PHF6: variants seen among roughly 807,000 people sequenced by gnomAD.
PHF6 encodes the protein PHD-like zinc finger protein.
Under a neutral mutation model 34.0 loss-of-function variants are expected in PHF6, and 7 were observed. The ratio of observed to expected loss-of-function variants is 0.21; its 90% CI spans 0.12 to 0.39. PHF6 has a LOEUF of 0.39. Ranked by LOEUF, PHF6 falls within the 10% of genes least tolerant of loss-of-function variation. The probability of loss-of-function intolerance (pLI) is 1.00; values close to 1 mark genes in which losing one functional copy is unlikely to be tolerated. For missense variants in PHF6, 128 were observed against 262.8 expected, an observed-to-expected ratio of 0.49 and a Z score of 3.55; for synonymous variants, 89 against 88.4, an observed-to-expected ratio of 1.01 and a Z score of -0.04.
At chrX:134,397,800 T>C (rs2077383676) in intron 5 of PHF6, among the ~76,000 whole-genome samples, 1 of 111,949 alleles carries the variant, frequency 8.9e-6, no homozygotes, top group Non-Finnish European at 1.9e-5. Flanking sequence ...ATTGGAGATA[T>C]AGGGATAAAT....
rs2077353661 is a variant in PHF6 at position 134,391,302 on chromosome X, G to T, written c.241-2199G>T. 2.7e-5 allele frequency among the ~76,000 whole-genome samples: 3 copies of T among 111,894 alleles called. No individual in the cohort carries two copies. In the South Asian group the frequency reaches 1.1e-3, roughly 41 times the overall value. On this transcript the variant is annotated intron_variant, in intron 3 of 10. Coordinates refer to ENST00000370803, the MANE Select transcript of PHF6 (RefSeq NM_001015877.2). The stretch of plus-strand genomic sequence containing the variant: ...AATATTTTTCAATTGTTGATAGGTG[G>T]TTTTACATTTTAGACTGTTCTAAAT...
chrX:134,381,431 G>A (rs930522057), intron 3 of PHF6, among the ~76,000 whole-genome samples: 3 of 110,676 alleles, frequency 2.7e-5, no homozygotes, highest in Admixed American at 9.7e-5. Flanking sequence ...GGGAAAAAGA[G>A]TGAAGAGCTT....
In PHF6 at chrX:134,384,948, G is replaced by A. The variant is rs111784600; in HGVS notation, c.240+6842G>A. Reference sequence around the variant, plus strand: ...TTACAGGCGTGAGCCACTGCGCCCAGCCTGCCTTTTCTTTCTTAATGCTAC... The same window carrying A: ...TTACAGGCGTGAGCCACTGCGCCCAACCTGCCTTTTCTTTCTTAATGCTAC... On this transcript the variant is annotated intron_variant, in intron 3 of 10. Coordinates refer to ENST00000370803, the MANE Select transcript of PHF6 (RefSeq NM_001015877.2). Among the ~76,000 whole-genome samples the A allele has an allele frequency of 7.4e-3, 824 of 111,798 alleles. 5 individuals are homozygous for A. Among genetic ancestry groups the A allele is most frequent in the African/African-American group, 0.026 (786 of 30,809 alleles).
At chrX:134,386,414 A>AT (rs35350115) in intron 3 of PHF6, among the ~76,000 whole-genome samples, 15,253 of 94,664 alleles carry the variant, frequency 0.16, 1,215 homozygotes, top group African/African-American at 0.25. Flanking sequence ...TTCCCAGATG[A>AT]TTTTTTTTTT....
chrX:134,413,568 A>G lies in PHF6; in HGVS notation c.496A>G (p.Arg166Gly). Residue 166 changes from arginine (R) to glycine (G), a missense_variant, in exon 6 of 11, where the codon AGG becomes GGG. Coordinates refer to ENST00000370803, the MANE Select transcript of PHF6 (RefSeq NM_001015877.2). ...AAGTAAAAAGAAAAGTCGCAAAGGA[A>G]GGCCAAGAAAAACTAATTTTAAAGG... ...PKSKKKSRKG[R>G]PRKTNFKGLS... is the part of the protein sequence containing the mutation. The G allele has an allele frequency of 1.7e-6, 2 of 1,211,218 alleles. No individual in the cohort carries two copies. The highest frequency in any genetic ancestry group is 2.2e-6 in the Non-Finnish European group (2 of 895,154).
chrX:134,413,713 T>C, intron 6 of PHF6, 56 bp downstream of exon 6: 3 of 1,189,792 alleles, frequency 2.5e-6, no homozygotes, highest in Non-Finnish European at 3.4e-6. Context: ...ATATTTCATT[T>C]AAACTATCTA....
intron 9 of PHF6, among the ~76,000 whole-genome samples, chrX:134,421,776 C>T (rs1447643445): frequency 5.6e-5 from 6 of 107,065 alleles, no homozygotes; most frequent in African/African-American, 2.1e-4. Flanking sequence ...GCTGCTCTGC[C>T]TATGGGGTAG....
At chrX:134,377,981 A>T (rs2077286195) in intron 2 of PHF6, 24 bp from the exon 3 acceptor site, 1 of 1,103,115 alleles carries the variant, frequency 9.1e-7, no homozygotes, top group Non-Finnish European at 1.2e-6. Flanking sequence ...ATGAACCTTA[A>T]TTTTTTTTAA....
At chrX:134,413,399 C>G in intron 5 of PHF6, 92 bp from the exon 6 acceptor site, 1 of 948,441 alleles carries the variant, frequency 1.1e-6, no homozygotes, top group Admixed American at 2.4e-5. Flanking sequence ...GAGACAGTTT[C>G]ATTCTAAGGA....
intron 3 of PHF6, among the ~76,000 whole-genome samples, chrX:134,381,072 G>C (rs2077305311): frequency 9.0e-6 from 1 of 110,608 alleles, no homozygotes; most frequent in African/African-American, 3.3e-5. Flanking sequence ...GGCCAGGCTG[G>C]TCTTGAATTC....
rs1390727815 is a variant in PHF6 at position 134,377,700 on chromosome X, G to A, written c.83G>A (p.Cys28Tyr). 8.3e-7 allele frequency: 1 copy of A among 1,207,862 alleles called. No individual in the cohort carries two copies. Among genetic ancestry groups the A allele is most frequent in the African/African-American group, 1.8e-5 (1 of 56,885 alleles). ...GFCKSNRDKE[C>Y]GQLLISENQK... ...TGTAAGTCAAATAGAGACAAGGAATGTGGACAGTTACTAATATCTGAAAAC... is the reference window on the plus strand; with the variant it reads ...TGTAAGTCAAATAGAGACAAGGAATATGGACAGTTACTAATATCTGAAAAC... The change falls in exon 2 of 11, where the codon TGT (cysteine) becomes TAT (tyrosine). Residue 28 changes from cysteine to tyrosine, a missense_variant. By Grantham distance (194) the Cys-to-Tyr change is radical. This residue lies in a region of PHF6 where 97 missense variants were observed against 152.9 expected (regional missense o/e 0.63). Coordinates refer to ENST00000370803, the MANE Select transcript of PHF6 (RefSeq NM_001015877.2).
chrX:134,420,599 G>T (rs1162642928), intron 9 of PHF6, among the ~76,000 whole-genome samples: 2 of 109,740 alleles, frequency 1.8e-5, no homozygotes, highest in African/African-American at 6.7e-5. Flanking sequence ...TTTGTTTTGG[G>T]GTGTGGTTGG....
intron 4 of PHF6, 84 bp downstream of exon 4, chrX:134,393,718 G>T (rs963478526): frequency 2.1e-6 from 2 of 938,601 alleles, no homozygotes; most frequent in African/African-American, 4.0e-5. Context: ...CCATTTCAAA[G>T]CATTTCATCA....
In PHF6 at chrX:134,403,640, G is replaced by A. The variant is rs111615805; in HGVS notation, c.418+9688G>A. On this transcript the variant is annotated intron_variant, in intron 5 of 10. Transcript: ENST00000370803. The stretch of plus-strand genomic sequence containing the variant: ...TAATGAAACAGCCTTGTATTGGAAG[G>A]AGATGCCATTTAGGACATTCATAGC... 7.4e-3 allele frequency among the ~76,000 whole-genome samples: 834 copies of A among 111,989 alleles called. 5 individuals are homozygous for A. The highest frequency in any genetic ancestry group is 0.026 in the African/African-American group (797 of 30,824).
chrX:134,412,514 T>C (rs1164598436), intron 5 of PHF6, among the ~76,000 whole-genome samples: 1 of 111,841 alleles, frequency 8.9e-6, no homozygotes, highest in Non-Finnish European at 1.9e-5. Context: ...TTATAATCAA[T>C]AACATGGTAA....
intron 9 of PHF6, among the ~76,000 whole-genome samples, chrX:134,422,110 A>G (rs1208223645): frequency 1.8e-5 from 2 of 109,860 alleles, no homozygotes; most frequent in Non-Finnish European, 3.8e-5. Context: ...TTTTGTGCAG[A>G]CGAGATTTCA....
intron 5 of PHF6, among the ~76,000 whole-genome samples, chrX:134,398,212 G>A (rs953912426): frequency 9.0e-6 from 1 of 111,722 alleles, no homozygotes; most frequent in African/African-American, 3.3e-5. Context: ...GGACAACATA[G>A]CGAGACCCTC....
intron 3 of PHF6, 74 bp downstream of exon 3, chrX:134,378,180 G>A (rs2077287413): frequency 4.5e-6 from 3 of 667,347 alleles, no homozygotes; most frequent in Admixed American, 4.9e-5. Flanking sequence ...TTATTTTAGA[G>A]TGTATTGCAT....
chrX:134,415,149 C>T (rs1454461939), intron 8 of PHF6, 29 bp downstream of exon 8: 1 of 1,206,643 alleles, frequency 8.3e-7, no homozygotes, highest in South Asian at 1.8e-5. Flanking sequence ...TGTTATGCAA[C>T]ATTACACTTG....
Sources: allele counts gnomAD v4.1 joint callset (sites outside exome capture counted in the v4.1 genomes callset), GRCh38; gene constraint gnomAD v4.1.1; regional missense constraint gnomAD v4.1.1; transcripts MANE v1.5; gene names NCBI Gene and HGNC (gene_info 2026-07-23, HGNC 2026-07-21).